The following PARD6G variants were observed in gnomAD, a reference collection of about 807,000 sequenced individuals.
PARD6G encodes partitioning defective 6 homolog gamma.
Under a neutral mutation model 10.7 loss-of-function variants are expected in PARD6G, and 7 were observed. The ratio of observed to expected loss-of-function variants is 0.66; its 90% CI spans 0.37 to 1.23. PARD6G has a LOEUF of 1.23. PARD6G is among the 50% of genes most tolerant of loss of function. The probability of loss-of-function intolerance (pLI) is 0.02; values close to 1 mark genes in which losing one functional copy is unlikely to be tolerated. For synonymous variants in PARD6G, 287 were observed against 269.4 expected (o/e 1.07, Z -0.64); for missense variants, 548 against 571.8 (o/e 0.96, Z 0.42).
chr18:80,164,733 C>T (rs1013506146), intron 2 of PARD6G, among the ~76,000 whole-genome samples: 5 of 152,242 alleles, frequency 3.3e-5, no homozygotes, highest in African/African-American at 1.2e-4. Context: ...AGGAATTTTA[C>T]AGCTGGGCCA....
intron 1 of PARD6G, among the ~76,000 whole-genome samples, chr18:80,244,659 G>A (rs1175460161): frequency 6.6e-6 from 1 of 152,138 alleles, no homozygotes; most frequent in Admixed American, 6.6e-5. Flanking sequence ...AATAACCGAT[G>A]CTTGGAAAAG....
chr18:80,204,473 C>T (rs544075653), intron 1 of PARD6G, among the ~76,000 whole-genome samples: 16 of 152,156 alleles, frequency 1.1e-4, no homozygotes, highest in Non-Finnish European at 1.8e-4. Flanking sequence ...AGACCTTAAC[C>T]TCCACAGATT....
At chr18:80,170,422 C>G (rs1288742204) in intron 2 of PARD6G, 1 of 152,418 alleles carries the variant, frequency 6.6e-6, no homozygotes, top group Non-Finnish European at 1.5e-5. Context: ...AGATCACCGT[C>G]TACCCCCATC....
intron 1 of PARD6G, among the ~76,000 whole-genome samples, chr18:80,241,197 G>C (rs966414025): frequency 1.7e-4 from 26 of 152,190 alleles, no homozygotes; most frequent in Non-Finnish European, 2.9e-5. Flanking sequence ...GTGCACCTGT[G>C]TCCTGGTTTG....
intron 2 of PARD6G, among the ~76,000 whole-genome samples, chr18:80,199,198 C>T (rs560370743): frequency 6.6e-6 from 1 of 152,308 alleles, no homozygotes; most frequent in African/African-American, 2.4e-5. Flanking sequence ...TCCTGTTAGC[C>T]TCTGGTCACA....
rs1281559687 is a variant in PARD6G, at chr18:80,246,583, C to G, written c.72+694G>C. Among the ~76,000 whole-genome samples the G allele has an allele frequency of 2.8e-5, 1 of 35,712 alleles. No homozygotes were observed. The highest frequency in any genetic ancestry group is 5.4e-5 in the Non-Finnish European group (1 of 18,394). The allele number at this position is 35,712 out of a possible 152,430, so 23.4% of individuals were successfully genotyped here. A position where few individuals can be genotyped will look rare whatever the true frequency, so the allele number is the denominator to read the frequency against. ...CCGGGGGAGTGGGCTGGGTCTGGGG[C>G]GGGGGCGCGTCCGGAGGTGGGGGAG... is the stretch of plus-strand genomic sequence containing the variant. On this transcript the variant is annotated intron_variant, in intron 1 of 2. Transcript: ENST00000353265. This position sits in a 1 kb window ranked among gnomAD's most constrained non-coding sequence, Gnocchi z 6.7.
rs563089618 is a variant in PARD6G, at chr18:80,186,365, G to A, written c.295+16345C>T. Among the ~76,000 whole-genome samples, 14 of 30,198 alleles carry A rather than the reference G, an allele frequency of 4.6e-4. 2 individuals carry two copies. The East Asian group carries it at 6.6e-3, about 14-fold the overall frequency. 19.8% of individuals were successfully genotyped at this position (30,198 alleles called of 152,430 possible). On this transcript the variant is annotated intron_variant, in intron 2 of 2. Coordinates refer to ENST00000353265, the MANE Select transcript of PARD6G (RefSeq NM_032510.4). Reference sequence around the variant, plus strand: ...TGTGCATGCACCCTCACACATGCTCGCACACCCACACATGCTCGCACACCC... The same window carrying A: ...TGTGCATGCACCCTCACACATGCTCACACACCCACACATGCTCGCACACCC...
Position 80,246,581 on chromosome 18 carries a change from G to A in PARD6G, c.72+696C>T, listed in dbSNP as rs1967550687. ...GCCCGGGGGAGTGGGCTGGGTCTGGGGCGGGGGCGCGTCCGGAGGTGGGGG... is the reference window on the plus strand; with the variant it reads ...GCCCGGGGGAGTGGGCTGGGTCTGGAGCGGGGGCGCGTCCGGAGGTGGGGG... On this transcript the variant is annotated intron_variant, in intron 1 of 2. Coordinates refer to ENST00000353265, the MANE Select transcript of PARD6G (RefSeq NM_032510.4). The surrounding 1 kb of genome is among the most constrained non-coding windows in gnomAD (Gnocchi z 6.7). Among the ~76,000 whole-genome samples, 1 of 148,470 alleles carries A rather than the reference G, an allele frequency of 6.7e-6. No individual in the cohort carries two copies. The highest frequency in any genetic ancestry group is 2.1e-4 in the South Asian group (1 of 4,682).
intron 1 of PARD6G, among the ~76,000 whole-genome samples, chr18:80,240,198 C>T (rs1967474916): frequency 6.6e-6 from 1 of 152,236 alleles, no homozygotes; most frequent in Admixed American, 6.5e-5. Context: ...TTTTGATGGT[C>T]AAATATCTAA....
intron 2 of PARD6G, among the ~76,000 whole-genome samples, chr18:80,174,856 A>G (rs1220474666): frequency 2.6e-5 from 4 of 152,124 alleles, no homozygotes; most frequent in African/African-American, 9.7e-5. Context: ...CGAGAGGCTG[A>G]GGCAGGAGAA....
intron 2 of PARD6G, among the ~76,000 whole-genome samples, chr18:80,163,131 C>A (rs989246845): frequency 2.0e-5 from 3 of 152,146 alleles, no homozygotes; most frequent in Non-Finnish European, 4.4e-5. Context: ...AAGAAGGCAA[C>A]CCCTCTGGCA....
In PARD6G at chr18:80,189,790, C is replaced by T. The variant is rs1179439573; in HGVS notation, c.295+12920G>A. Among the ~76,000 whole-genome samples, 6 of 152,104 alleles carry T rather than the reference C, an allele frequency of 3.9e-5. No individual in the cohort carries two copies. The highest frequency in any genetic ancestry group is 4.8e-5 in the African/African-American group (2 of 41,412). On this transcript the variant is annotated intron_variant, in intron 2 of 2. Transcript: ENST00000353265. This position sits in a 1 kb window ranked among gnomAD's most constrained non-coding sequence, Gnocchi z 5.5. ...AGAAGGTCAAGCACCAAGCAGAACTCGATCAGTTTTTAAACACCTAGATAG... is the reference window on the plus strand; with the variant it reads ...AGAAGGTCAAGCACCAAGCAGAACTTGATCAGTTTTTAAACACCTAGATAG...
chr18:80,234,919 A>G (rs1967402400), intron 1 of PARD6G, among the ~76,000 whole-genome samples: 1 of 152,040 alleles, frequency 6.6e-6, no homozygotes, highest in Non-Finnish European at 1.5e-5. Context: ...GGAGACTTTA[A>G]CACCCCACTG....
chr18:80,240,489 T>G (rs1967477919), intron 1 of PARD6G, among the ~76,000 whole-genome samples: 1 of 152,146 alleles, frequency 6.6e-6, no homozygotes, highest in South Asian at 2.1e-4. Flanking sequence ...TCTTCCCACC[T>G]CCAATGCTGA....
chr18:80,244,655 C>T (rs763826216), intron 1 of PARD6G, among the ~76,000 whole-genome samples: 45 of 152,074 alleles, frequency 3.0e-4, no homozygotes, highest in Non-Finnish European at 5.1e-4. Flanking sequence ...ATGAAATAAC[C>T]GATGCTTGGA....
Position 80,239,580 on chromosome 18 carries a change from G to C in PARD6G, c.72+7697C>G, listed in dbSNP as rs75316515. ...TGGATTGGACAAGCTTGGTCTACAAGGAAGGGGCACAAGCACCCCTGGAGC... is the reference window on the plus strand; with the variant it reads ...TGGATTGGACAAGCTTGGTCTACAACGAAGGGGCACAAGCACCCCTGGAGC... On this transcript the variant is annotated intron_variant, in intron 1 of 2. Coordinates refer to ENST00000353265, the MANE Select transcript of PARD6G (RefSeq NM_032510.4). 1.6e-3 allele frequency among the ~76,000 whole-genome samples: 244 copies of C among 152,364 alleles called. 8 individuals are homozygous for C. The East Asian group carries it at 0.043, about 27-fold the overall frequency.
chr18:80,190,667 C>A (rs897101398), intron 2 of PARD6G, among the ~76,000 whole-genome samples: 18 of 152,136 alleles, frequency 1.2e-4, no homozygotes, highest in Non-Finnish European at 2.6e-4. Flanking sequence ...AAAAAGGCAG[C>A]CACCCCTACC....
chr18:80,193,027 C>G (rs554712198), intron 2 of PARD6G, among the ~76,000 whole-genome samples: 99 of 152,120 alleles, frequency 6.5e-4, no homozygotes, highest in Admixed American at 1.6e-3. Flanking sequence ...TTCAGAAAGG[C>G]CCCAAGCAGA....
chr18:80,194,049 T>A (rs1161282147), intron 2 of PARD6G, among the ~76,000 whole-genome samples: 2 of 152,202 alleles, frequency 1.3e-5, no homozygotes, highest in Non-Finnish European at 2.9e-5. Context: ...GAAATCCAAA[T>A]CTTGCTTACG....
Sources: allele counts gnomAD v4.1 joint callset (sites outside exome capture counted in the v4.1 genomes callset), GRCh38; gene constraint gnomAD v4.1.1; non-coding constraint Gnocchi (gnomAD v3.1); transcripts MANE v1.5; gene names NCBI Gene and HGNC (gene_info 2026-07-23, HGNC 2026-07-21).